The following BRWD1 variants were observed in gnomAD, a reference collection of about 807,000 sequenced individuals.
BRWD1 encodes bromodomain and WD repeat domain containing 1.
BRWD1 carries 82 observed loss-of-function variants against 251.2 expected under a neutral mutation model. That is an observed-to-expected ratio of 0.33 (90% CI 0.27 to 0.39). BRWD1 has a LOEUF of 0.39. Among genes scored for constraint, BRWD1 ranks in the 10% least tolerant of loss-of-function variants. The probability of loss-of-function intolerance (pLI) is 1.00; values close to 1 mark genes in which losing one functional copy is unlikely to be tolerated. For missense variants in BRWD1, 2,233 were observed against 2,711.6 expected (o/e 0.82, Z 3.92); for synonymous variants, 918 against 902.8 (o/e 1.02, Z -0.30).
At chr21:39,318,866 C>A (rs570578375) in intron 1 of BRWD1, among the ~76,000 whole-genome samples, 2 of 152,134 alleles carry the variant, frequency 1.3e-5, no homozygotes, top group African/African-American at 4.8e-5. Context: ...GTGATCCTCC[C>A]GCCTTGATCT....
intron 21 of BRWD1, among the ~76,000 whole-genome samples, chr21:39,247,143 A>G (rs942853567): frequency 3.3e-5 from 5 of 151,848 alleles, no homozygotes; most frequent in African/African-American, 1.2e-4. Context: ...AAGAAAATGT[A>G]TCAGTGATTG....
At chr21:39,217,089 T>TTA (rs1836016292) in intron 31 of BRWD1, 1 of 30,838 alleles carries the variant, frequency 3.2e-5, no homozygotes, top group Non-Finnish European at 6.7e-5. Context: ...ATATATTTTT[T>TTA]TTTTTTTTTT....
rs893797520 is a variant in BRWD1 at position 39,296,207 on chromosome 21, G to C, written c.448+58C>G. On this transcript the variant is annotated intron_variant, in intron 6 of 40. Transcript: ENST00000342449. The stretch of plus-strand genomic sequence containing the variant: ...AAATTTTAATACAGCATTTATAAAG[G>C]TTGTTGAGAAATTTAAAAACAATTA... 5 of 1,376,572 alleles carry C rather than the reference G, an allele frequency of 3.6e-6. No homozygotes were observed. In the African/African-American group the frequency reaches 7.3e-5, roughly 20 times the overall value. The allele number at this position is 1,376,572 out of a possible 1,614,324, so 85.3% of individuals were successfully genotyped here.
chr21:39,313,907 G>GGCAGCGCGACGCCGGGTGGCCCA (rs2036622773), upstream of BRWD1: 1 of 317,408 alleles, frequency 3.2e-6, no homozygotes, highest in African/African-American at 2.3e-5. Context: ...TTTGTGAGGC[G>GGCAGCGCGACGCCGGGTGGCCCA]GCAGCGCGAC....
At position 39,298,534 on chromosome 21, in the gene BRWD1, G is replaced by C. The variant is rs2056844; in HGVS notation, c.247C>G (p.Gln83Glu). The stretch of plus-strand genomic sequence containing the variant: ...TTATCCAACATAGGACCGATGCGCT[G>C]GCAGATTTGCAAAAGATGATCAGGA... ...VAPDHLLQICQRIGPMLDKEI... is the reference protein window; with the variant it reads ...VAPDHLLQICERIGPMLDKEI... The change falls in exon 5 of 41, where the codon CAG (glutamine) becomes GAG (glutamate). Residue 83 changes from glutamine (Q) to glutamate (E), a missense_variant. This residue lies in a region of BRWD1 where 185 missense variants were observed against 260.6 expected (regional missense o/e 0.71). Transcript: ENST00000342449. The C allele has an allele frequency of 0.46, 735,827 of 1,603,964 alleles. 170,861 individuals are homozygous for C. Among genetic ancestry groups the C allele is most frequent in the Admixed American group, 0.56 (32,465 of 57,762 alleles).
chr21:39,199,102 T>C lies in BRWD1; in HGVS notation c.5314A>G (p.Thr1772Ala), dbSNP rs2031973114. Residue 1772 changes from threonine to alanine, a missense_variant, in exon 40 of 41, where the codon ACT (threonine) becomes GCT (alanine). Transcript: ENST00000342449. ...TGCACAGACGTTGATGGGCCAGCAG[T>C]TCTGTTACATGCATGATCTGAATCA... ...SHDSDHACNR[T>A]AGPSTSVQKL... The C allele has an allele frequency of 6.2e-7, 1 of 1,614,000 alleles. No individual in the cohort carries two copies.
intron 32 of BRWD1, 84 bp downstream of exon 32, chr21:39,215,153 G>A (rs2032834079): frequency 7.1e-7 from 1 of 1,407,556 alleles, no homozygotes; most frequent in Non-Finnish European, 9.9e-7. Context: ...TAACAGGCAT[G>A]AGCCACCACG....
Position 39,194,659 on chromosome 21 carries a change from T to C in BRWD1, c.*1600A>G. The C allele has an allele frequency of 6.5e-7, 1 of 1,533,694 alleles. No homozygotes were observed. The highest frequency in any genetic ancestry group is 8.7e-7 in the Non-Finnish European group (1 of 1,145,252). Reference sequence around the variant, plus strand: ...TCAAATGGAATAGATAACTACAAAATAGGAACACTTCAGAACATTCTCTAA... The same window carrying C: ...TCAAATGGAATAGATAACTACAAAACAGGAACACTTCAGAACATTCTCTAA... On this transcript the variant is annotated 3_prime_UTR_variant, in exon 41 of 41. Transcript: ENST00000342449.
chr21:39,268,317 G>A (rs558101445), intron 15 of BRWD1, among the ~76,000 whole-genome samples: 1 of 151,774 alleles, frequency 6.6e-6, no homozygotes, highest in South Asian at 2.1e-4. Flanking sequence ...GCAGGTGCCT[G>A]TAAATCCCAG....
At chr21:39,257,202 TAA>T (rs5843954) in intron 18 of BRWD1, among the ~76,000 whole-genome samples, 3,207 of 136,968 alleles carry the variant, frequency 0.023, 74 homozygotes, top group African/African-American at 0.063. Flanking sequence ...TGAAGCTATT[TAA>T]AAAAAAAAAA....
chr21:39,256,800 A>G (rs1352860289), intron 18 of BRWD1, among the ~76,000 whole-genome samples: 1 of 152,138 alleles, frequency 6.6e-6, no homozygotes, highest in Non-Finnish European at 1.5e-5. Context: ...ATGGAGCTGT[A>G]CTCCAGCTGT....
intron 21 of BRWD1, among the ~76,000 whole-genome samples, chr21:39,245,220 G>A (rs527320708): frequency 3.3e-5 from 5 of 152,010 alleles, no homozygotes; most frequent in East Asian, 1.9e-4. Context: ...TACAGCCTAC[G>A]CAACAGAGCA....
At position 39,192,335 on chromosome 21, in the gene BRWD1, C is replaced by T; in HGVS notation, c.*3924G>A. The T allele has an allele frequency of 1.0e-6, 1 of 985,192 alleles. No homozygotes were observed. The highest frequency in any genetic ancestry group is 1.2e-6 in the Non-Finnish European group (1 of 829,820). 61.0% of individuals were successfully genotyped at this position (985,192 alleles called of 1,614,324 possible). A position where few individuals can be genotyped will look rare whatever the true frequency, so the allele number is the denominator to read the frequency against. ...TAATCTAGTTGGACTCAGTTTTTCC[C>T]ACAATGCTCTATTTTCTCACCTAGT... On this transcript the variant is annotated 3_prime_UTR_variant, in exon 41 of 41. Coordinates refer to ENST00000342449, the MANE Select transcript of BRWD1 (RefSeq NM_033656.4).
intron 37 of BRWD1, among the ~76,000 whole-genome samples, chr21:39,204,307 T>C (rs2146477101): frequency 6.6e-6 from 1 of 151,290 alleles, no homozygotes; most frequent in African/African-American, 2.4e-5. Flanking sequence ...CATAGTGTAG[T>C]CCCCAGAGCA....
At chr21:39,312,537 G>A (rs940525534) in intron 4 of BRWD1, 2 of 273,220 alleles carry the variant, frequency 7.3e-6, no homozygotes, top group South Asian at 5.0e-5. Flanking sequence ...TGAATGGCTG[G>A]CTGCGCACGC....
At chr21:39,285,348 G>A (rs2035600321) in intron 8 of BRWD1, among the ~76,000 whole-genome samples, 1 of 152,134 alleles carries the variant, frequency 6.6e-6, no homozygotes, top group Non-Finnish European at 1.5e-5. Context: ...ACCATGAGAA[G>A]TTGTTTCAAT....
chr21:39,281,512 T>C (rs1292710282), intron 8 of BRWD1, among the ~76,000 whole-genome samples: 3 of 152,040 alleles, frequency 2.0e-5, no homozygotes, highest in African/African-American at 7.2e-5. Flanking sequence ...CTAGGTGACA[T>C]GGCGAAACCC....
chr21:39,270,198 G>T, intron 14 of BRWD1, 85 bp downstream of exon 14: 1 of 1,313,692 alleles, frequency 7.6e-7, no homozygotes, highest in Non-Finnish European at 1.0e-6. Context: ...GAAACAACTT[G>T]TTCAATATAT....
chr21:39,202,261 GTA>G, intron 38 of BRWD1, 62 bp downstream of exon 38: 1 of 1,211,400 alleles, frequency 8.3e-7, no homozygotes, highest in South Asian at 1.4e-5. Flanking sequence ...TAAATCTCTA[GTA>G]ACGGCCAGTG....
Sources: allele counts gnomAD v4.1 joint callset (sites outside exome capture counted in the v4.1 genomes callset), GRCh38; gene constraint gnomAD v4.1.1; regional missense constraint gnomAD v4.1.1; transcripts MANE v1.5; gene names NCBI Gene and HGNC (gene_info 2026-07-23, HGNC 2026-07-21).